WRN: variants seen among roughly 807,000 people sequenced by gnomAD.
WRN encodes the protein WRN RecQ like helicase, also known as bifunctional 3'-5' exonuclease/ATP-dependent helicase WRN.
In WRN, 149 loss-of-function variants were observed where a neutral mutation model predicts 180.7. That is an observed-to-expected ratio of 0.82 (90% CI 0.72 to 0.94). The LOEUF is 0.94. Among genes scored for constraint, WRN ranks in the 40% least tolerant of loss-of-function variants. The probability of loss-of-function intolerance (pLI) is 0.00; values close to 1 mark genes in which losing one functional copy is unlikely to be tolerated. For synonymous variants in WRN, 548 were observed against 568.9 expected, an observed-to-expected ratio of 0.96 and a Z score of 0.52; for missense variants, 1,661 against 1,700.1, an observed-to-expected ratio of 0.98 and a Z score of 0.40.
chr8:31,165,139 G>T (rs1803802135), intron 33 of WRN, among the ~76,000 whole-genome samples: 1 of 151,974 alleles, frequency 6.6e-6, no homozygotes, highest in Non-Finnish European at 1.5e-5. Context: ...TGATTCAAAA[G>T]AGAATAAAAT....
chr8:31,152,918 C>T (rs1374732607), intron 31 of WRN, among the ~76,000 whole-genome samples: 1 of 152,004 alleles, frequency 6.6e-6, no homozygotes, highest in Non-Finnish European at 1.5e-5. Flanking sequence ...TGGTGCTAGC[C>T]TGTAATCCCA....
chr8:31,060,768 A>G (rs889097442), intron 3 of WRN, among the ~76,000 whole-genome samples: 4 of 152,240 alleles, frequency 2.6e-5, no homozygotes, highest in Non-Finnish European at 5.9e-5. Context: ...TTGCTGTAGT[A>G]TGTCATATCT....
At chr8:31,038,444 A>C (rs572035592) in intron 1 of WRN, among the ~76,000 whole-genome samples, 1 of 150,926 alleles carries the variant, frequency 6.6e-6, no homozygotes, top group East Asian at 1.9e-4. Context: ...ATTGTGGGAG[A>C]TCTTTATATA....
At chr8:31,105,296 A>G (rs1042430592) in intron 18 of WRN, among the ~76,000 whole-genome samples, 2 of 152,152 alleles carry the variant, frequency 1.3e-5, no homozygotes, top group Admixed American at 6.5e-5. Context: ...AGGACAGCAC[A>G]CACTCATGGA....
chr8:31,112,222 G>A (rs1801348835), intron 19 of WRN, among the ~76,000 whole-genome samples: 1 of 151,948 alleles, frequency 6.6e-6, no homozygotes, highest in African/African-American at 2.4e-5. Flanking sequence ...CTACAGTCTT[G>A]CACCACCATG....
At chr8:31,143,024 GACACACACAC>G (rs10529735) in intron 27 of WRN, among the ~76,000 whole-genome samples, 32 of 136,606 alleles carry the variant, frequency 2.3e-4, no homozygotes, top group African/African-American at 5.5e-4. Flanking sequence ...TCTTATTAAA[GACACACACAC>G]ACACACACAC....
intron 1 of WRN, among the ~76,000 whole-genome samples, chr8:31,051,726 T>C (rs1812083554): frequency 6.6e-6 from 1 of 152,220 alleles, no homozygotes; most frequent in Non-Finnish European, 1.5e-5. Context: ...GCATATCTTA[T>C]TGATATTTTA....
chr8:31,129,644 C>T (rs1056603578), intron 23 of WRN, among the ~76,000 whole-genome samples: 1 of 151,926 alleles, frequency 6.6e-6, no homozygotes, highest in Non-Finnish European at 1.5e-5. Flanking sequence ...AATTTTAAAC[C>T]TACAGATAAC....
At chr8:31,134,655 A>C (rs1055397955) in intron 24 of WRN, among the ~76,000 whole-genome samples, 1 of 152,260 alleles carries the variant, frequency 6.6e-6, no homozygotes, top group African/African-American at 2.4e-5. Flanking sequence ...TGACAGATTA[A>C]GTGAAACTTC....
Position 31,157,462 on chromosome 8 carries a change from G to T in WRN, c.3914G>T (p.Arg1305Leu), listed in dbSNP as rs775535952. ...VKAGCPLDLE[R>L]AGLTPEVQKI... is the part of the protein sequence containing the mutation. ...GCTGGCTGCCCCCTTGATTTGGAGCGAGCAGGCCTGACTCCAGAGGTTCAG... is the reference window on the plus strand; with the variant it reads ...GCTGGCTGCCCCCTTGATTTGGAGCTAGCAGGCCTGACTCCAGAGGTTCAG... Residue 1305 changes from arginine (R) to leucine (L), a missense_variant, in exon 33 of 35, where the codon CGA (arginine) becomes CTA (leucine). Coordinates refer to ENST00000298139, the MANE Select transcript of WRN (RefSeq NM_000553.6). The T allele has an allele frequency of 1.9e-6, 3 of 1,614,052 alleles. No homozygotes were observed. Among genetic ancestry groups the T allele is most frequent in the Non-Finnish European group, 2.5e-6 (3 of 1,180,016 alleles).
At chr8:31,153,425 T>C (rs2737336) in intron 31 of WRN, among the ~76,000 whole-genome samples, 148,882 of 152,252 alleles carry the variant, frequency 0.98, 72,895 homozygotes, top group East Asian at 1. Flanking sequence ...GGGATTTCTA[T>C]AAATTGCAAA....
chr8:31,157,554 C>T (rs1356492005), intron 33 of WRN, 24 bp downstream of exon 33: 2 of 1,613,434 alleles, frequency 1.2e-6, no homozygotes, highest in Admixed American at 3.3e-5. Context: ...CCTAGCTCTG[C>T]ACCCTTAATG....
At chr8:31,115,767 G>T (rs564597964) in intron 19 of WRN, among the ~76,000 whole-genome samples, 1 of 152,072 alleles carries the variant, frequency 6.6e-6, no homozygotes, top group Non-Finnish European at 1.5e-5. Flanking sequence ...AATCGTTTAC[G>T]CTTTTAATAA....
chr8:31,072,724 C>T (rs1050006771), intron 7 of WRN, among the ~76,000 whole-genome samples: 14 of 152,134 alleles, frequency 9.2e-5, no homozygotes, highest in African/African-American at 2.9e-4. Flanking sequence ...GGAAAGGGAA[C>T]GTTTATTGAT....
rs144752923 is a variant in WRN, at chr8:31,095,144, A to G, written c.1899-1624A>G. 6.6e-3 allele frequency among the ~76,000 whole-genome samples: 1,006 copies of G among 152,230 alleles called. 16 individuals carry two copies. The highest frequency in any genetic ancestry group is 0.023 in the African/African-American group (937 of 41,544). ...CTGATCTTTAACTTAAGCCATTCTAATAGTATCTCATTGTATTTTTAGTTT... is the reference window on the plus strand; with the variant it reads ...CTGATCTTTAACTTAAGCCATTCTAGTAGTATCTCATTGTATTTTTAGTTT... On this transcript the variant is annotated intron_variant, in intron 16 of 34. Transcript: ENST00000298139.
chr8:31,061,161 TC>T (rs1812471524), intron 3 of WRN, among the ~76,000 whole-genome samples: 4 of 152,156 alleles, frequency 2.6e-5, no homozygotes, highest in Admixed American at 2.6e-4. Flanking sequence ...TCTTCTTTCT[TC>T]CTTTTTTTCT....
intron 19 of WRN, among the ~76,000 whole-genome samples, chr8:31,115,226 A>G (rs1585476747): frequency 6.6e-6 from 1 of 152,106 alleles, no homozygotes; most frequent in Non-Finnish European, 1.5e-5. Flanking sequence ...CTAAAAGAAA[A>G]CTTACATTTT....
chr8:31,083,912 CA>C (rs1813420630), intron 10 of WRN, 133 bp downstream of exon 10: 1 of 979,594 alleles, frequency 1.0e-6, no homozygotes, highest in African/African-American at 1.6e-5. Flanking sequence ...TTAGATTTCA[CA>C]TTTTCCAATT....
At chr8:31,048,142 C>G (rs1216805897) in intron 1 of WRN, among the ~76,000 whole-genome samples, 2 of 152,206 alleles carry the variant, frequency 1.3e-5, no homozygotes, top group African/African-American at 4.8e-5. Context: ...AAACAAGTCT[C>G]TCAAAAATCA....
Sources: allele counts gnomAD v4.1 joint callset (sites outside exome capture counted in the v4.1 genomes callset), GRCh38; gene constraint gnomAD v4.1.1; transcripts MANE v1.5; gene names NCBI Gene and HGNC (gene_info 2026-07-23, HGNC 2026-07-21).